Variants in UBE4B observed in about 807,000 individuals in gnomAD.
UBE4B encodes the protein ubiquitin conjugation factor E4 B.
UBE4B carries 27 observed loss-of-function variants against 148.1 expected under a neutral mutation model. That is an observed-to-expected ratio of 0.18 (90% CI 0.13 to 0.25). UBE4B has a LOEUF of 0.25. UBE4B is among the 10% of genes least tolerant of loss of function. The pLI is 1.00. For missense variants in UBE4B, 1,170 were observed against 1,662.4 expected (o/e 0.70, Z 5.15); for synonymous variants, 596 against 619.3 (o/e 0.96, Z 0.56).
Position 10,130,895 on chromosome 1 carries a change from T to C in UBE4B, c.1911+82T>C, listed in dbSNP as rs1174310460. 7 of 1,238,300 alleles carry C rather than the reference T, an allele frequency of 5.7e-6. No homozygotes were observed. The Admixed American group carries it at 9.4e-5, about 17-fold the overall frequency. 76.7% of individuals were successfully genotyped at this position (1,238,300 alleles called of 1,614,324 possible). A position where few individuals can be genotyped will look rare whatever the true frequency, so the allele number is the denominator to read the frequency against. ...AGCTTTTATTTTGTAGACTGGACTA[T>C]GCCCAGTAGACAAACGGCTAACAAA... On this transcript the variant is annotated intron_variant, in intron 14 of 27. Coordinates refer to ENST00000343090, the MANE Select transcript of UBE4B (RefSeq NM_001105562.3).
rs1164901237 is a variant in UBE4B, at chr1:10,054,488, C to A, written c.25-17540C>A. On this transcript the variant is annotated intron_variant, in intron 1 of 27. Transcript: ENST00000343090. ...TAGGTTCCAGCAGCTCAGGCTTCTT[C>A]CCATTGGTTCTCACACAGTGTGCTT... 3.5e-5 allele frequency: 15 copies of A among 430,772 alleles called. No individual in the cohort carries two copies. The East Asian group carries it at 8.0e-4, about 23-fold the overall frequency. 26.7% of individuals were successfully genotyped at this position (430,772 alleles called of 1,614,324 possible).
intron 1 of UBE4B, among the ~76,000 whole-genome samples, chr1:10,071,503 A>C (rs1404637550): frequency 1.3e-5 from 2 of 152,150 alleles, no homozygotes; most frequent in African/African-American, 4.8e-5. Flanking sequence ...TGGGAAGATT[A>C]CTTGAGCCCA....
chr1:10,081,217 C>T (rs1164885404), intron 2 of UBE4B, among the ~76,000 whole-genome samples: 1 of 152,004 alleles, frequency 6.6e-6, no homozygotes, highest in African/African-American at 2.4e-5. Context: ...CCTGTGCCAC[C>T]ATGCCTGGCT....
intron 21 of UBE4B, among the ~76,000 whole-genome samples, chr1:10,154,197 C>T (rs1364002197): frequency 2.6e-5 from 4 of 151,938 alleles, no homozygotes; most frequent in Non-Finnish European, 5.9e-5. Flanking sequence ...GAGCCAAGAT[C>T]GCGCTACTGC....
intron 2 of UBE4B, among the ~76,000 whole-genome samples, chr1:10,078,225 T>G (rs1570838817): frequency 1.3e-5 from 2 of 152,110 alleles, no homozygotes; most frequent in Admixed American, 6.6e-5. Flanking sequence ...GCCAGGCTGG[T>G]CTCAAACTCC....
chr1:10,168,405 T>C lies in UBE4B; in HGVS notation c.3333+135T>C. 7.3e-6 allele frequency: 10 copies of C among 1,374,876 alleles called. No homozygotes were observed. Among genetic ancestry groups the C allele is most frequent in the Non-Finnish European group, 9.8e-6 (10 of 1,023,560 alleles). The allele number at this position is 1,374,876 out of a possible 1,614,324, so 85.2% of individuals were successfully genotyped here. ...TCAATAAGTGAAATTCTGTGACTGA[T>C]TTTGTTCCCAGTTATGCTAATTGAT... On this transcript the variant is annotated intron_variant, in intron 24 of 27. Coordinates refer to ENST00000343090, the MANE Select transcript of UBE4B (RefSeq NM_001105562.3). The surrounding 1 kb of genome is among the most constrained non-coding windows in gnomAD (Gnocchi z 4.9).
At chr1:10,090,657 C>T (rs746286335) in intron 2 of UBE4B, among the ~76,000 whole-genome samples, 3 of 152,104 alleles carry the variant, frequency 2.0e-5, no homozygotes, top group East Asian at 1.9e-4. Context: ...CTTGATCAAG[C>T]GATCCTCTTG....
chr1:10,149,713 AT>A lies in UBE4B; in HGVS notation c.2690+440del, dbSNP rs978282083. Among the ~76,000 whole-genome samples the A allele has an allele frequency of 4.6e-5, 7 of 151,694 alleles. No homozygotes were observed. In the South Asian group the frequency reaches 6.3e-4, roughly 14 times the overall value. On this transcript the variant is annotated intron_variant, in intron 20 of 27. Coordinates refer to ENST00000343090, the MANE Select transcript of UBE4B (RefSeq NM_001105562.3). ...TTCTAACTGGTATTGTAGGGTTTTAATTTTTTTTTCAAATCCTTATTTGGTT... is the reference window on the plus strand; with the variant it reads ...TTCTAACTGGTATTGTAGGGTTTTAATTTTTTTTCAAATCCTTATTTGGTT...
intron 1 of UBE4B, among the ~76,000 whole-genome samples, chr1:10,036,759 T>C (rs1231586721): frequency 6.6e-5 from 10 of 152,196 alleles, no homozygotes; most frequent in Non-Finnish European, 1.5e-4. Context: ...GTGTCAGATA[T>C]GGTAGGTGAC....
chr1:10,122,136 A>G, intron 10 of UBE4B, 60 bp downstream of exon 10: 3 of 1,180,664 alleles, frequency 2.5e-6, no homozygotes, highest in Middle Eastern at 2.0e-4. Context: ...TGTCGAGGCT[A>G]ATTTCTGACC....
intron 7 of UBE4B, among the ~76,000 whole-genome samples, chr1:10,114,500 C>G (rs940100078): frequency 9.9e-5 from 15 of 152,042 alleles, no homozygotes; most frequent in African/African-American, 3.6e-4. Flanking sequence ...TTTCAGTTAT[C>G]AAGCCAGTCA....
chr1:10,171,537 GA>G (rs1234478333), intron 25 of UBE4B, among the ~76,000 whole-genome samples: 2 of 152,196 alleles, frequency 1.3e-5, no homozygotes, highest in African/African-American at 4.8e-5. Context: ...CTTGAGGCCA[GA>G]CTGCAGTGAG....
rs116689342 is a variant in UBE4B, at chr1:10,033,719, A to G, written c.24+25A>G. 5.2e-3 allele frequency: 7,974 copies of G among 1,547,302 alleles called. 27 individuals are homozygous for G. The highest frequency in any genetic ancestry group is 6.5e-3 in the Non-Finnish European group (7,474 of 1,147,408). On this transcript the variant is annotated intron_variant, in intron 1 of 27. Transcript: ENST00000343090. ...GGTGAGGAGGTTGGGGGACACCTTGAGGGATTAGTTGGCAACTCGTTAGCG... is the reference window on the plus strand; with the variant it reads ...GGTGAGGAGGTTGGGGGACACCTTGGGGGATTAGTTGGCAACTCGTTAGCG...
At chr1:10,114,080 A>G (rs866120307) in intron 7 of UBE4B, among the ~76,000 whole-genome samples, 22 of 111,060 alleles carry the variant, frequency 2.0e-4, no homozygotes, top group African/African-American at 4.1e-4. Flanking sequence ...AAAAAAAAAG[A>G]AAAAAAAAAA....
At chr1:10,128,844 T>A (rs1645544969) in intron 11 of UBE4B, 1 of 152,466 alleles carries the variant, frequency 6.6e-6, no homozygotes, top group Non-Finnish European at 1.5e-5. Context: ...TTTTCATCGT[T>A]CTCTAATGTT....
chr1:10,142,209 C>G (rs1645793962), intron 17 of UBE4B, among the ~76,000 whole-genome samples: 1 of 152,146 alleles, frequency 6.6e-6, no homozygotes, highest in Admixed American at 6.6e-5. Context: ...GCAGCCCAAT[C>G]AAAGAACTGA....
At chr1:10,051,712 C>G (rs1199646891) in intron 1 of UBE4B, among the ~76,000 whole-genome samples, 1 of 152,020 alleles carries the variant, frequency 6.6e-6, no homozygotes, top group South Asian at 2.1e-4. Context: ...AAAGGGGACT[C>G]GAGGAGTCCC....
chr1:10,126,358 G>GA (rs1645497896), intron 10 of UBE4B, among the ~76,000 whole-genome samples: 2 of 152,146 alleles, frequency 1.3e-5, no homozygotes, highest in African/African-American at 4.8e-5. Context: ...TAGATAGAAA[G>GA]GAGGAAATAT....
Position 10,063,812 on chromosome 1 carries a change from G to T in UBE4B, c.25-8216G>T, listed in dbSNP as rs559134636. Among the ~76,000 whole-genome samples, 16 of 152,010 alleles carry T rather than the reference G, an allele frequency of 1.1e-4. No homozygotes were observed. The South Asian group carries it at 3.1e-3, about 30-fold the overall frequency. On this transcript the variant is annotated intron_variant, in intron 1 of 27. Transcript: ENST00000343090. The stretch of plus-strand genomic sequence containing the variant: ...AATCCCAGCCACTCAGGAGGCTGAG[G>T]CAGGAGAATCGCTTGAACCAGGGAG...
Sources: gnomAD v4.1 joint callset for allele counts (sites outside exome capture counted in the v4.1 genomes callset) on GRCh38, gnomAD v4.1.1 for gene constraint, Gnocchi (gnomAD v3.1) non-coding constraint, MANE v1.5 for transcripts, NCBI Gene and HGNC (gene_info 2026-07-23, HGNC 2026-07-21) for gene names.